The following STXBP5L variants were observed in gnomAD, a reference collection of about 807,000 sequenced individuals.
STXBP5L encodes the protein syntaxin-binding protein 5-like.
Under a neutral mutation model 144.5 loss-of-function variants are expected in STXBP5L, and 65 were observed. The ratio of observed to expected loss-of-function variants is 0.45; its 90% CI spans 0.37 to 0.55. STXBP5L has a LOEUF of 0.55. Among genes scored for constraint, STXBP5L ranks in the 20% least tolerant of loss-of-function variants. The pLI, the probability that STXBP5L is intolerant of heterozygous loss-of-function variation, is 0.00. For synonymous variants in STXBP5L, 505 were observed against 469.6 expected (o/e 1.08, Z -0.97); for missense variants, 1,298 against 1,405.5 (o/e 0.92, Z 1.22).
At chr3:121,172,100 G>GA (rs1291564350) in intron 9 of STXBP5L, among the ~76,000 whole-genome samples, 2 of 150,238 alleles carry the variant, frequency 1.3e-5, no homozygotes, top group Non-Finnish European at 3.0e-5. Context: ...AAGCAATGGG[G>GA]AAAAAATTGT....
At chr3:121,280,096 A>G in intron 19 of STXBP5L, 140 bp downstream of exon 19, 1 of 1,068,492 alleles carries the variant, frequency 9.4e-7, no homozygotes, top group Non-Finnish European at 1.3e-6. Flanking sequence ...TCATGTAAGT[A>G]AAATAAATTG....
At chr3:121,310,639 T>A (rs2043494748) in intron 19 of STXBP5L, among the ~76,000 whole-genome samples, 1 of 150,074 alleles carries the variant, frequency 6.7e-6, no homozygotes, top group Non-Finnish European at 1.5e-5. Flanking sequence ...CCAGGCATGG[T>A]GGCTTATGCC....
At chr3:121,414,513 G>C (rs2047189254) in intron 24 of STXBP5L, among the ~76,000 whole-genome samples, 1 of 152,184 alleles carries the variant, frequency 6.6e-6, no homozygotes, top group Non-Finnish European at 1.5e-5. Context: ...TTTATTTTGT[G>C]TGTCCCTTAA....
chr3:121,068,311 A>G (rs1187607573), intron 5 of STXBP5L, among the ~76,000 whole-genome samples: 7 of 152,354 alleles, frequency 4.6e-5, no homozygotes, highest in Non-Finnish European at 5.9e-5. Flanking sequence ...TGGTGACAAT[A>G]TTAGTCTTAT....
intron 3 of STXBP5L, among the ~76,000 whole-genome samples, chr3:120,957,549 G>A (rs926184042): frequency 2.0e-5 from 3 of 151,836 alleles, no homozygotes; most frequent in Non-Finnish European, 2.9e-5. Context: ...GGATAATGCC[G>A]GCCTCATAGA....
intron 3 of STXBP5L, among the ~76,000 whole-genome samples, chr3:120,997,181 C>T (rs771926732): frequency 6.6e-6 from 1 of 152,124 alleles, no homozygotes; most frequent in South Asian, 2.1e-4. Context: ...TTCCTTTATC[C>T]CATTCACCAC....
In STXBP5L at chr3:120,960,753, C is replaced by T. The variant is rs572792531; in HGVS notation, c.287+5716C>T. Among the ~76,000 whole-genome samples the T allele has an allele frequency of 1.2e-3, 188 of 151,922 alleles. 2 individuals carry two copies. The highest frequency in any genetic ancestry group is 4.2e-3 in the African/African-American group (175 of 41,414). On this transcript the variant is annotated intron_variant, in intron 3 of 26. Coordinates refer to ENST00000471454, the MANE Select transcript of STXBP5L (RefSeq NM_001308330.2). ...GGAAGGGGAACATCACACCCTGGGG[C>T]CTGTTGTGGGGTGGGGGCAGGGGGG...
intron 5 of STXBP5L, among the ~76,000 whole-genome samples, chr3:121,063,925 G>T (rs577796844): frequency 2.5e-4 from 38 of 152,234 alleles, no homozygotes; most frequent in Admixed American, 5.2e-4. Context: ...AGCTTGCTGT[G>T]CTCGGTGGGG....
chr3:121,318,235 A>C (rs1188953323), intron 19 of STXBP5L, among the ~76,000 whole-genome samples: 1 of 152,034 alleles, frequency 6.6e-6, no homozygotes, highest in African/African-American at 2.4e-5. Flanking sequence ...AGGTGGGAGT[A>C]TTGCTTCAGC....
chr3:121,359,839 G>C (rs1289459978), intron 20 of STXBP5L, among the ~76,000 whole-genome samples: 1 of 151,226 alleles, frequency 6.6e-6, no homozygotes, highest in Non-Finnish European at 1.5e-5. Flanking sequence ...ATGCTATTTT[G>C]GTAACTATAC....
At chr3:121,102,205 A>C (rs2043462830) in intron 5 of STXBP5L, among the ~76,000 whole-genome samples, 1 of 152,192 alleles carries the variant, frequency 6.6e-6, no homozygotes, top group Non-Finnish European at 1.5e-5. Context: ...GAATTAGAAA[A>C]AAACTATTAT....
intron 5 of STXBP5L, among the ~76,000 whole-genome samples, chr3:121,107,090 TG>T (rs1276363156): frequency 6.6e-6 from 1 of 152,074 alleles, no homozygotes; most frequent in African/African-American, 2.4e-5. Context: ...ATGGATTCTT[TG>T]TTTTTTTTTT....
At chr3:121,022,419 C>G (rs1246878599) in intron 3 of STXBP5L, among the ~76,000 whole-genome samples, 1 of 151,462 alleles carries the variant, frequency 6.6e-6, no homozygotes, top group African/African-American at 2.4e-5. Context: ...CTCTCTAAAT[C>G]AAATCCTAAT....
intron 19 of STXBP5L, among the ~76,000 whole-genome samples, chr3:121,314,550 G>T (rs61796929): frequency 6.9e-6 from 1 of 145,926 alleles, no homozygotes; most frequent in South Asian, 2.2e-4. Context: ...CAGCAGTACC[G>T]TCCAGCTTTG....
At chr3:121,414,701 G>A (rs6438626) in intron 24 of STXBP5L, among the ~76,000 whole-genome samples, 88,896 of 152,128 alleles carry the variant, frequency 0.58, 27,261 homozygotes, top group East Asian at 0.89. Flanking sequence ...TGGGAGTGGA[G>A]GTGTTGTGCT....
At position 121,083,362 on chromosome 3, in the gene STXBP5L, G is replaced by A. The variant is rs141478715; in HGVS notation, c.471-31563G>A. Among the ~76,000 whole-genome samples, 51 of 152,174 alleles carry A rather than the reference G, an allele frequency of 3.4e-4. No individual in the cohort carries two copies. The East Asian group carries it at 9.5e-3, about 28-fold the overall frequency. On this transcript the variant is annotated intron_variant, in intron 5 of 26. Transcript: ENST00000471454. Reference sequence around the variant, plus strand: ...CCTCTTGTATTTTCTGGAAGAGATTGTTAAAATTGGTATCAATTGTTGGGT... The same window carrying A: ...CCTCTTGTATTTTCTGGAAGAGATTATTAAAATTGGTATCAATTGTTGGGT...
At chr3:121,334,821 A>G (rs919476982) in intron 20 of STXBP5L, among the ~76,000 whole-genome samples, 1 of 152,220 alleles carries the variant, frequency 6.6e-6, no homozygotes, top group Non-Finnish European at 1.5e-5. Flanking sequence ...TCAAAATAAT[A>G]AAAGTCATCT....
chr3:121,268,703 A>G (rs199506007), intron 18 of STXBP5L, among the ~76,000 whole-genome samples: 3 of 152,176 alleles, frequency 2.0e-5, no homozygotes, highest in Non-Finnish European at 4.4e-5. Flanking sequence ...GAGAAAAACC[A>G]CGGCCACTTT....
intron 5 of STXBP5L, among the ~76,000 whole-genome samples, chr3:121,102,619 A>G (rs2043489666): frequency 6.6e-6 from 1 of 152,176 alleles, no homozygotes; most frequent in Non-Finnish European, 1.5e-5. Flanking sequence ...CTTGTGAAAT[A>G]TCATTCTGGA....
Sources: allele counts gnomAD v4.1 joint callset (sites outside exome capture counted in the v4.1 genomes callset), GRCh38; gene constraint gnomAD v4.1.1; transcripts MANE v1.5; gene names NCBI Gene and HGNC (gene_info 2026-07-23, HGNC 2026-07-21).